The following ZBTB7C variants were observed in gnomAD, a reference collection of about 807,000 sequenced individuals.
ZBTB7C encodes zinc finger and BTB domain-containing protein 7C.
In ZBTB7C, 8 loss-of-function variants were observed where a neutral mutation model predicts 25.7. The ratio of observed to expected loss-of-function variants is 0.31; its 90% CI spans 0.18 to 0.56. The LOEUF (loss-of-function observed/expected upper bound fraction) is 0.56, where lower values mean the gene tolerates loss of function less well. Among genes scored for constraint, ZBTB7C ranks in the 20% least tolerant of loss-of-function variants. The pLI, the probability that ZBTB7C is intolerant of heterozygous loss-of-function variation, is 0.91. For synonymous variants in ZBTB7C, 394 were observed against 369.0 expected (o/e 1.07, Z -0.78); for missense variants, 824 against 855.2 (o/e 0.96, Z 0.46).
chr18:48,362,372 G>C (rs2047127942), intron 1 of ZBTB7C, among the ~76,000 whole-genome samples: 1 of 152,228 alleles, frequency 6.6e-6, no homozygotes, highest in African/African-American at 2.4e-5. Context: ...GTGAGGAGGT[G>C]GGGCCTTTGG....
chr18:48,107,470 A>G (rs1244859279), intron 3 of ZBTB7C, among the ~76,000 whole-genome samples: 1 of 152,098 alleles, frequency 6.6e-6, no homozygotes, highest in Non-Finnish European at 1.5e-5. Context: ...ACAGGCACTA[A>G]CACAGCACTG....
chr18:48,142,182 A>G (rs1021246550), intron 3 of ZBTB7C, among the ~76,000 whole-genome samples: 5 of 152,124 alleles, frequency 3.3e-5, no homozygotes, highest in African/African-American at 1.2e-4. Context: ...AAACTCCTCC[A>G]CTTCTTCCAG....
chr18:48,314,724 G>C (rs1413043532), intron 2 of ZBTB7C, among the ~76,000 whole-genome samples: 1 of 152,124 alleles, frequency 6.6e-6, no homozygotes, highest in African/African-American at 2.4e-5. Flanking sequence ...AGGGAAGGAA[G>C]AGCCCACAGT....
intron 2 of ZBTB7C, among the ~76,000 whole-genome samples, chr18:48,317,888 C>A (rs138692100): frequency 0.013 from 1,973 of 152,272 alleles, 16 homozygotes; most frequent in Non-Finnish European, 0.021. Context: ...TTCAGAAGAT[C>A]CCAGGGTCAT....
intron 2 of ZBTB7C, among the ~76,000 whole-genome samples, chr18:48,299,578 G>C (rs1243169396): frequency 6.6e-6 from 1 of 152,250 alleles, no homozygotes; most frequent in Non-Finnish European, 1.5e-5. Flanking sequence ...AGGCATGGGA[G>C]ACACAGGGAG....
intron 1 of ZBTB7C, among the ~76,000 whole-genome samples, chr18:48,391,488 A>G (rs1463284540): frequency 6.6e-6 from 1 of 152,002 alleles, no homozygotes; most frequent in Non-Finnish European, 1.5e-5. Flanking sequence ...TTGATATGCA[A>G]GTCAGTCAAC....
intron 3 of ZBTB7C, among the ~76,000 whole-genome samples, chr18:48,078,346 GA>G (rs1296434002): frequency 6.6e-6 from 1 of 151,132 alleles, no homozygotes; most frequent in Non-Finnish European, 1.5e-5. Flanking sequence ...ACAAAGGTGG[GA>G]AAGTGTGGCT....
intron 3 of ZBTB7C, chr18:48,136,944 C>A: frequency 1.0e-6 from 1 of 974,988 alleles, no homozygotes; most frequent in Non-Finnish European, 1.2e-6. Context: ...CACGGCCCGG[C>A]CGCTGGGCTC....
intron 3 of ZBTB7C, among the ~76,000 whole-genome samples, chr18:48,095,090 C>A (rs1598868300): frequency 6.6e-6 from 1 of 152,094 alleles, no homozygotes; most frequent in African/African-American, 2.4e-5. Context: ...CTGGTAGTAA[C>A]CAGGTGGGAA....
chr18:48,247,981 C>T (rs772608532), intron 2 of ZBTB7C, among the ~76,000 whole-genome samples: 2 of 152,148 alleles, frequency 1.3e-5, no homozygotes, highest in East Asian at 1.9e-4. Context: ...GTGGTTCCCT[C>T]GTACTGTTCT....
chr18:48,086,324 G>A (rs1297417336), intron 3 of ZBTB7C, among the ~76,000 whole-genome samples: 4 of 152,166 alleles, frequency 2.6e-5, no homozygotes, highest in Non-Finnish European at 4.4e-5. Flanking sequence ...GGACATTGAG[G>A]CACAGAGAGG....
intron 3 of ZBTB7C, among the ~76,000 whole-genome samples, chr18:48,181,024 T>G (rs1430873253): frequency 1.3e-5 from 2 of 152,308 alleles, no homozygotes; most frequent in East Asian, 3.9e-4. Flanking sequence ...AAAAAGCAGA[T>G]AGTATAAGTT....
chr18:48,201,941 C>A lies in ZBTB7C; in HGVS notation c.-78-15946G>T, dbSNP rs1042703297. ...TTTTCCACTACCCTTTGTGGCTGCA[C>A]GAAGCTCCCTTCCACCCACCAGCCT... On this transcript the variant is annotated intron_variant, in intron 2 of 4. Transcript: ENST00000590800. Among the ~76,000 whole-genome samples, 3 of 152,350 alleles carry A rather than the reference C, an allele frequency of 2.0e-5. No individual in the cohort carries two copies. The East Asian group carries it at 5.8e-4, about 29-fold the overall frequency.
intron 1 of ZBTB7C, among the ~76,000 whole-genome samples, chr18:48,408,084 G>A (rs947249739): frequency 4.6e-5 from 7 of 152,100 alleles, no homozygotes; most frequent in Admixed American, 1.3e-4. Context: ...CAGAAACTCC[G>A]GCTCTAGCCT....
At chr18:48,171,629 A>T (rs2041484478) in intron 3 of ZBTB7C, among the ~76,000 whole-genome samples, 1 of 152,226 alleles carries the variant, frequency 6.6e-6, no homozygotes, top group African/African-American at 2.4e-5. Context: ...CTCTCAGCAG[A>T]GGCTTCCGGA....
intron 1 of ZBTB7C, among the ~76,000 whole-genome samples, chr18:48,389,132 C>A (rs1023528320): frequency 6.6e-6 from 1 of 150,894 alleles, no homozygotes; most frequent in African/African-American, 2.4e-5. Flanking sequence ...AGGGTAACTG[C>A]AGGCTGCAAA....
intron 1 of ZBTB7C, among the ~76,000 whole-genome samples, chr18:48,382,156 G>T (rs945935642): frequency 6.6e-6 from 1 of 152,192 alleles, no homozygotes; most frequent in Non-Finnish European, 1.5e-5. Context: ...GCCAATACTA[G>T]TGGGAAGCCA....
chr18:48,305,914 A>G (rs1222965691), intron 2 of ZBTB7C, among the ~76,000 whole-genome samples: 1 of 152,238 alleles, frequency 6.6e-6, no homozygotes, highest in Non-Finnish European at 1.5e-5. Context: ...GCCAAGGATG[A>G]TGCTATGTAG....
At chr18:48,412,350 A>G (rs1371129370), upstream of ZBTB7C, among the ~76,000 whole-genome samples, 2 of 152,252 alleles carry the variant, frequency 1.3e-5, no homozygotes, top group African/African-American at 2.4e-5. Flanking sequence ...CTCTTTCTAG[A>G]TTAGAACTTA....
Sources: allele counts gnomAD v4.1 joint callset (sites outside exome capture counted in the v4.1 genomes callset), GRCh38; gene constraint gnomAD v4.1.1; transcripts MANE v1.5; gene names NCBI Gene and HGNC (gene_info 2026-07-23, HGNC 2026-07-21).